TET3: variants seen among roughly 807,000 people sequenced by gnomAD.
The protein encoded by TET3 is methylcytosine dioxygenase TET3.
In TET3, 19 loss-of-function variants were observed where a neutral mutation model predicts 141.4. The observed-to-expected ratio is 0.13, with a 90% confidence interval of 0.09 to 0.20. The LOEUF is 0.20. TET3 is among the 10% of genes least tolerant of loss of function. The probability of loss-of-function intolerance (pLI) is 1.00; values close to 1 mark genes in which losing one functional copy is unlikely to be tolerated. For missense variants in TET3, 1,874 were observed against 2,356.9 expected, an observed-to-expected ratio of 0.80 and a Z score of 4.24; for synonymous variants, 1,043 against 980.9, an observed-to-expected ratio of 1.06 and a Z score of -1.18.
chr2:74,055,174 A>G (rs1481279710), intron 4 of TET3, among the ~76,000 whole-genome samples: 1 of 152,158 alleles, frequency 6.6e-6, no homozygotes, highest in Non-Finnish European at 1.5e-5. Context: ...TGCTAGGATT[A>G]CAGGAGTGAG....
At chr2:73,984,661 C>T (rs532707912), upstream of TET3, among the ~76,000 whole-genome samples, 72 of 151,768 alleles carry the variant, frequency 4.7e-4, no homozygotes, top group Admixed American at 1.3e-3. This position sits in a 1 kb window ranked among gnomAD's most constrained non-coding sequence, Gnocchi z 5.6. Flanking sequence ...AGGGGGCGGC[C>T]GCCTCCCGGG....
In TET3 at chr2:74,005,850, C is replaced by T. The variant is rs143639233; in HGVS notation, c.360+2684C>T. 3.6e-3 allele frequency among the ~76,000 whole-genome samples: 541 copies of T among 152,260 alleles called. 2 individuals are homozygous for T. The highest frequency in any genetic ancestry group is 0.015 in the South Asian group (70 of 4,818). ...TTGTTTGGTGCATTACATGTCTACC[C>T]GTGATATCTCAAGGAACATGCTATA... On this transcript the variant is annotated intron_variant, in intron 3 of 11. Coordinates refer to ENST00000409262, the MANE Select transcript of TET3 (RefSeq NM_001287491.2).
At chr2:73,988,439 A>G (rs1056913901) in intron 2 of TET3, among the ~76,000 whole-genome samples, 8 of 152,152 alleles carry the variant, frequency 5.3e-5, no homozygotes, top group African/African-American at 1.9e-4. Flanking sequence ...TTGTGAACTA[A>G]GTTGAAGTGC....
At chr2:74,043,516 A>G (rs1282307327) in intron 3 of TET3, among the ~76,000 whole-genome samples, 1 of 152,160 alleles carries the variant, frequency 6.6e-6, no homozygotes, top group Non-Finnish European at 1.5e-5. Flanking sequence ...GTGCCCTGGG[A>G]ATCCAGGGAA....
chr2:74,131,922 G>A, the TET3 span, among the ~76,000 whole-genome samples: 1 of 146,256 alleles, frequency 6.8e-6, no homozygotes, highest in African/African-American at 2.5e-5. Flanking sequence ...ACTGGGTGGG[G>A]GGGCCCTATT....
In TET3 at chr2:74,101,894, C is replaced by G. The variant is rs1039807211; in HGVS notation, c.5106C>G (p.Pro1702=). ...ACCAGCACAAGAACCTCAACCAGCC[C>G]AACCACGGGCTGGCCCTCTGGGAAG... The part of the protein sequence containing the change: ...VFYQHKNLNQ[P]NHGLALWEAK... Residue 1702 remains proline (P), a synonymous_variant, in exon 12 of 12, where the codon CCC becomes CCG. Transcript: ENST00000409262. This position sits in a 1 kb window ranked among gnomAD's most constrained non-coding sequence, Gnocchi z 8.5. The G allele has an allele frequency of 3.0e-5, 48 of 1,613,280 alleles. No individual in the cohort carries two copies. Among genetic ancestry groups the G allele is most frequent in the Non-Finnish European group, 3.7e-5 (44 of 1,179,816 alleles).
the TET3 span, among the ~76,000 whole-genome samples, chr2:74,113,413 C>T: frequency 6.6e-3 from 998 of 152,190 alleles, 23 homozygotes; most frequent in East Asian, 0.015. Context: ...TCTCATTACT[C>T]TTATTCAACG....
At chr2:74,055,466 C>T (rs1221517518) in intron 4 of TET3, among the ~76,000 whole-genome samples, 5 of 152,208 alleles carry the variant, frequency 3.3e-5, no homozygotes, top group African/African-American at 9.6e-5. Context: ...ACACCTGATC[C>T]AGAGTAAAGC....
chr2:74,084,688 C>T (rs1428205719), intron 6 of TET3, among the ~76,000 whole-genome samples: 1 of 152,042 alleles, frequency 6.6e-6, no homozygotes, highest in Non-Finnish European at 1.5e-5. Context: ...CTCCTGACCT[C>T]GTGATCCACC....
At chr2:74,123,666 G>A in the TET3 span, among the ~76,000 whole-genome samples, 1 of 152,178 alleles carries the variant, frequency 6.6e-6, no homozygotes, top group African/African-American at 2.4e-5. Flanking sequence ...TGCAGCCTCT[G>A]CCCGGCCACC....
intron 4 of TET3, among the ~76,000 whole-genome samples, chr2:74,068,596 A>G (rs977916780): frequency 5.3e-5 from 8 of 152,224 alleles, no homozygotes; most frequent in Non-Finnish European, 1.0e-4. Context: ...TACATATACA[A>G]TTATAACCAA....
chr2:74,092,211 G>GA (rs1690536959), intron 8 of TET3, among the ~76,000 whole-genome samples: 1 of 152,120 alleles, frequency 6.6e-6, no homozygotes, highest in Admixed American at 6.5e-5. Flanking sequence ...TGAGGCAGGA[G>GA]AATTGCTTGA....
In TET3 at chr2:74,105,341, C is replaced by A. The variant is rs531767211; in HGVS notation, c.*3165C>A. 5.0e-6 allele frequency: 2 copies of A among 398,540 alleles called. No individual in the cohort carries two copies. Among genetic ancestry groups the A allele is most frequent in the Non-Finnish European group, 8.8e-6 (2 of 226,072 alleles). The allele number at this position is 398,540 out of a possible 1,614,324, so 24.7% of individuals were successfully genotyped here. ...TCTGTTTTGTTTTCCCTGCCTGTTG[C>A]GTGCAAGGGAAGTGCTTGTAAAGTT... is the stretch of plus-strand genomic sequence containing the variant. On this transcript the variant is annotated 3_prime_UTR_variant, in exon 12 of 12. Transcript: ENST00000409262.
rs548919436 is a variant in TET3, at chr2:74,069,467, T to G, written c.2495-4082T>G. Among the ~76,000 whole-genome samples, 6 of 151,692 alleles carry G rather than the reference T, an allele frequency of 4.0e-5. No homozygotes were observed. The East Asian group carries it at 9.6e-4, about 24-fold the overall frequency. On this transcript the variant is annotated intron_variant, in intron 4 of 11. Transcript: ENST00000409262. ...TTGTGATTTATATAACATAGGAAAG[T>G]ACCTGAAACATTCACATAGAGTTTA...
chr2:74,080,645 A>G, intron 6 of TET3, 54 bp downstream of exon 6: 1 of 1,362,916 alleles, frequency 7.3e-7, no homozygotes, highest in Non-Finnish European at 9.8e-7. Context: ...CCCTTGCTGC[A>G]TGGCCACGGC....
At chr2:74,067,672 C>T (rs1339137203) in intron 4 of TET3, among the ~76,000 whole-genome samples, 1 of 152,162 alleles carries the variant, frequency 6.6e-6, no homozygotes, top group Non-Finnish European at 1.5e-5. Flanking sequence ...GAAAAAGTGG[C>T]ATTTAAACTA....
chr2:74,088,312 A>T (rs908057536), intron 7 of TET3, among the ~76,000 whole-genome samples: 1 of 152,188 alleles, frequency 6.6e-6, no homozygotes, highest in Non-Finnish European at 1.5e-5. Context: ...AGTGTGAAGT[A>T]CATGTGCCCC....
At position 74,101,181 on chromosome 2, in the gene TET3, C is replaced by T. The variant is rs1017769635; in HGVS notation, c.4393C>T (p.Pro1465Ser). ...GGGTGTGTTCTCGTCTGGGGAGAGTCCTGCCATCGTCCCTGACAAGCTCAG... is the reference window on the plus strand; with the variant it reads ...GGGTGTGTTCTCGTCTGGGGAGAGTTCTGCCATCGTCCCTGACAAGCTCAG... ...SWGVFSSGES[P>S]AIVPDKLSSF... Residue 1465 changes from proline to serine, a missense_variant, in exon 12 of 12, where the codon CCT becomes TCT. By Grantham distance (74) the Pro-to-Ser change is moderately conservative. Transcript: ENST00000409262. The surrounding 1 kb of genome is among the most constrained non-coding windows in gnomAD (Gnocchi z 8.5). 4 of 1,613,638 alleles carry T rather than the reference C, an allele frequency of 2.5e-6. No homozygotes were observed. Among genetic ancestry groups the T allele is most frequent in the Non-Finnish European group, 3.4e-6 (4 of 1,179,852 alleles).
rs572235939 is a variant in TET3 at position 73,994,638 on chromosome 2, C to CTT, written c.303+7949_303+7950dup. Reference sequence around the variant, plus strand: ...TTTTTCTTTCTTTCTTTCTTTCTTTCTTTTTTTTTTTTTTTTTTGATACGG... The same window carrying CTT: ...TTTTTCTTTCTTTCTTTCTTTCTTTCTTTTTTTTTTTTTTTTTTTTGATACGG... On this transcript the variant is annotated intron_variant, in intron 2 of 11. Transcript: ENST00000409262. Among the ~76,000 whole-genome samples the CTT allele has an allele frequency of 7.4e-3, 711 of 96,708 alleles. 8 individuals carry two copies. Among genetic ancestry groups the CTT allele is most frequent in the African/African-American group, 0.021 (346 of 16,804 alleles). The allele number at this position is 96,708 out of a possible 152,430, so 63.4% of individuals were successfully genotyped here. A position where few individuals can be genotyped will look rare whatever the true frequency, so the allele number is the denominator to read the frequency against.
Sources: allele counts gnomAD v4.1 joint callset (sites outside exome capture counted in the v4.1 genomes callset), GRCh38; gene constraint gnomAD v4.1.1; non-coding constraint Gnocchi (gnomAD v3.1); transcripts MANE v1.5; gene names NCBI Gene and HGNC (gene_info 2026-07-23, HGNC 2026-07-21).